GABPB2: variants seen among roughly 807,000 people sequenced by gnomAD.
The protein encoded by GABPB2 is GA binding protein transcription factor subunit beta 2, also known as GA-binding protein subunit beta-2.
Under a neutral mutation model 39.1 loss-of-function variants are expected in GABPB2, and 23 were observed. The ratio of observed to expected loss-of-function variants is 0.59; its 90% CI spans 0.42 to 0.83. GABPB2 has a LOEUF of 0.83. GABPB2 is among the 40% of genes least tolerant of loss of function. The pLI, the probability that GABPB2 is intolerant of heterozygous loss-of-function variation, is 0.00. For synonymous variants in GABPB2, 184 were observed against 199.3 expected (o/e 0.92, Z 0.65); for missense variants, 467 against 541.1 (o/e 0.86, Z 1.36).
intron 1 of GABPB2, among the ~76,000 whole-genome samples, chr1:151,080,215 C>CAAAAAAA (rs57351502): frequency 4.3e-4 from 13 of 29,992 alleles, no homozygotes; most frequent in South Asian, 2.9e-3. Context: ...AACTCCATCT[C>CAAAAAAA]AAAAAAAAAA....
intron 1 of GABPB2, among the ~76,000 whole-genome samples, chr1:151,079,548 A>G (rs1416400732): frequency 6.6e-6 from 1 of 152,140 alleles, no homozygotes; most frequent in Non-Finnish European, 1.5e-5. Flanking sequence ...CTCAGTAAAT[A>G]AATATATAAA....
At chr1:151,080,096 T>G (rs1677525840) in intron 1 of GABPB2, among the ~76,000 whole-genome samples, 1 of 151,378 alleles carries the variant, frequency 6.6e-6, no homozygotes, top group African/African-American at 2.4e-5. Flanking sequence ...ACGCCTGTAT[T>G]CCTAGCTACT....
At chr1:151,080,614 A>G (rs1435149023) in intron 1 of GABPB2, among the ~76,000 whole-genome samples, 1 of 151,160 alleles carries the variant, frequency 6.6e-6, no homozygotes, top group Non-Finnish European at 1.5e-5. Flanking sequence ...TTGGGAGGCC[A>G]AGACAAGCAG....
intron 5 of GABPB2, among the ~76,000 whole-genome samples, chr1:151,099,574 T>C (rs2101525047): frequency 6.6e-6 from 1 of 152,348 alleles, no homozygotes; most frequent in African/African-American, 2.4e-5. Flanking sequence ...AATTTTCCAG[T>C]TGACTATTGG....
intron 1 of GABPB2, among the ~76,000 whole-genome samples, chr1:151,087,950 A>G (rs1468023197): frequency 6.6e-6 from 1 of 152,192 alleles, no homozygotes; most frequent in Admixed American, 6.6e-5. Context: ...TGTTGCAGAT[A>G]TTTCCAGAGT....
intron 4 of GABPB2, 133 bp downstream of exon 4, chr1:151,093,519 C>G: frequency 1.7e-6 from 1 of 591,302 alleles, no homozygotes; most frequent in Non-Finnish European, 2.8e-6. Context: ...TCTTGTGACT[C>G]AGTGTCATTA....
At chr1:151,102,002 G>A (rs587701932) in intron 5 of GABPB2, among the ~76,000 whole-genome samples, 8 of 152,304 alleles carry the variant, frequency 5.3e-5, no homozygotes, top group South Asian at 4.1e-4. Context: ...TATAAGAGAA[G>A]AAGGTTATGA....
chr1:151,077,435 C>T (rs1677266867), intron 1 of GABPB2, among the ~76,000 whole-genome samples: 1 of 145,292 alleles, frequency 6.9e-6, no homozygotes, highest in African/African-American at 2.5e-5. Flanking sequence ...CGGCTCACTG[C>T]AGCCTCTACC....
At chr1:151,101,410 C>A (rs1010143183) in intron 5 of GABPB2, among the ~76,000 whole-genome samples, 2 of 151,710 alleles carry the variant, frequency 1.3e-5, no homozygotes, top group African/African-American at 4.8e-5. Flanking sequence ...CCCCGTCTTA[C>A]TAAAAATACA....
chr1:151,100,403 A>G (rs1679422294), intron 5 of GABPB2, among the ~76,000 whole-genome samples: 2 of 149,608 alleles, frequency 1.3e-5, no homozygotes, highest in African/African-American at 4.9e-5. Flanking sequence ...ATGGCCTCCT[A>G]AAATGCTGGG....
intron 7 of GABPB2, among the ~76,000 whole-genome samples, chr1:151,115,525 C>T (rs756716115): frequency 1.3e-5 from 2 of 151,250 alleles, no homozygotes; most frequent in Admixed American, 6.6e-5. Flanking sequence ...CTCAGCCTCC[C>T]GAGTAGCTGG....
chr1:151,092,352 G>A (rs182762798), intron 3 of GABPB2, among the ~76,000 whole-genome samples: 196 of 151,512 alleles, frequency 1.3e-3, no homozygotes, highest in East Asian at 5.4e-3. Context: ...TGATCCACCC[G>A]CCTCAGCCTC....
At chr1:151,074,867 AACTG>A (rs1202737926) in intron 1 of GABPB2, among the ~76,000 whole-genome samples, 3 of 152,126 alleles carry the variant, frequency 2.0e-5, no homozygotes, top group African/African-American at 7.2e-5. Flanking sequence ...AGAATGCCTT[AACTG>A]ACTGGGCACA....
intron 6 of GABPB2, among the ~76,000 whole-genome samples, 164 bp from the exon 7 acceptor site, chr1:151,106,873 C>G (rs1680011086): frequency 1.3e-5 from 2 of 152,160 alleles, no homozygotes; most frequent in Admixed American, 1.3e-4. Flanking sequence ...CTTTTCTCCT[C>G]TGACTTAGCA....
rs1681177064 is a variant in GABPB2 at position 151,121,355 on chromosome 1, C to T, written c.*3099C>T. 6.6e-6 allele frequency: 1 copy of T among 152,166 alleles called. No homozygotes were observed. The highest frequency in any genetic ancestry group is 1.5e-5 in the Non-Finnish European group (1 of 68,046). The allele number at this position is 152,166 out of a possible 1,614,324, so 9.4% of individuals were successfully genotyped here. On this transcript the variant is annotated 3_prime_UTR_variant, in exon 9 of 9. Transcript: ENST00000368918. ...GAACCAAAGATTCTGGCTACTTTGT[C>T]TTCTTCCTTTCTCTCCCACTATGCC...
intron 1 of GABPB2, among the ~76,000 whole-genome samples, chr1:151,086,206 A>T (rs1678177289): frequency 2.0e-5 from 3 of 152,092 alleles, no homozygotes; most frequent in African/African-American, 7.2e-5. Flanking sequence ...GATTGTGCCC[A>T]CTGCACTCCA....
chr1:151,115,014 G>A (rs886552702), intron 7 of GABPB2, among the ~76,000 whole-genome samples: 5 of 151,988 alleles, frequency 3.3e-5, no homozygotes, highest in African/African-American at 1.2e-4. Context: ...TCCGTCTCAA[G>A]AAAAAAACAA....
At position 151,093,175 on chromosome 1, in the gene GABPB2, A is replaced by C. The variant is rs937486318; in HGVS notation, c.277-17A>C. 1.3e-5 allele frequency: 20 copies of C among 1,533,684 alleles called. No homozygotes were observed. The highest frequency in any genetic ancestry group is 1.6e-5 in the Non-Finnish European group (18 of 1,138,696). On this transcript the variant is annotated splice_polypyrimidine_tract_variant and intron_variant, in intron 3 of 8. Coordinates refer to ENST00000368918, the MANE Select transcript of GABPB2 (RefSeq NM_144618.3). ...CTATAACCGCTGTTTGTTGAAAAAA[A>C]TGCTTTTCTGTGACAGAATGGTGCA...
chr1:151,107,262 T>C, intron 7 of GABPB2, 40 bp downstream of exon 7: 1 of 1,347,784 alleles, frequency 7.4e-7, no homozygotes, highest in African/African-American at 1.5e-5. Flanking sequence ...TTAAAAGATA[T>C]TTTAGATACT....
Sources: gnomAD v4.1 joint callset for allele counts (sites outside exome capture counted in the v4.1 genomes callset) on GRCh38, gnomAD v4.1.1 for gene constraint, MANE v1.5 for transcripts, NCBI Gene and HGNC (gene_info 2026-07-23, HGNC 2026-07-21) for gene names.